The following LRMDA variants were observed in gnomAD, a reference collection of about 807,000 sequenced individuals.
LRMDA encodes the protein leucine-rich melanocyte differentiation-associated protein.
In LRMDA, 18 loss-of-function variants were observed where a neutral mutation model predicts 29.8. The ratio of observed to expected loss-of-function variants is 0.60; its 90% CI spans 0.42 to 0.90. The LOEUF (loss-of-function observed/expected upper bound fraction) is 0.90. LRMDA is among the 40% of genes least tolerant of loss of function. The pLI is 0.00. For synonymous variants in LRMDA, 125 were observed against 109.4 expected (o/e 1.14, Z -0.89); for missense variants, 273 against 273.9 (o/e 1.00, Z 0.02).
At chr10:75,736,478 C>T (rs906327737) in intron 2 of LRMDA, among the ~76,000 whole-genome samples, 1 of 152,168 alleles carries the variant, frequency 6.6e-6, no homozygotes, top group African/African-American at 2.4e-5. Flanking sequence ...GCTATTAATT[C>T]TCATTGCTCG....
At chr10:76,322,643 A>G (rs1840785542) in intron 5 of LRMDA, among the ~76,000 whole-genome samples, 1 of 152,236 alleles carries the variant, frequency 6.6e-6, no homozygotes, top group African/African-American at 2.4e-5. Context: ...TAATTGTAGA[A>G]AAAAGCTGTC....
At chr10:75,636,025 C>T (rs1227749820) in intron 2 of LRMDA, among the ~76,000 whole-genome samples, 1 of 152,184 alleles carries the variant, frequency 6.6e-6, no homozygotes, top group African/African-American at 2.4e-5. Context: ...GATTTTGTAT[C>T]TGAACCAAAT....
intron 2 of LRMDA, among the ~76,000 whole-genome samples, chr10:75,781,159 T>C (rs1843377862): frequency 6.6e-6 from 1 of 152,196 alleles, no homozygotes; most frequent in Non-Finnish European, 1.5e-5. Flanking sequence ...GACCTCCTCA[T>C]TGGCCTTTGT....
At chr10:75,641,876 T>TC (rs1841457760) in intron 2 of LRMDA, among the ~76,000 whole-genome samples, 2 of 152,182 alleles carry the variant, frequency 1.3e-5, no homozygotes, top group Non-Finnish European at 2.9e-5. Context: ...GCAAGACCCC[T>TC]ACCTCTTAAA....
rs535367381 is a variant in LRMDA, at chr10:75,746,063, T to TA, written c.132-289944dup. 5.1e-4 allele frequency among the ~76,000 whole-genome samples: 77 copies of TA among 152,334 alleles called. 1 individual carries two copies. In the East Asian group the frequency reaches 0.012, roughly 23 times the overall value. On this transcript the variant is annotated intron_variant, in intron 2 of 6. Transcript: ENST00000611255. ...TTGGGAGGTTTCTGCACTGTGAAGT[T>TA]ACTGTGTTCAGCTTCTTTTCCTACT...
At chr10:76,556,503 C>T (rs1421329315) in intron 6 of LRMDA, 1 of 152,192 alleles carries the variant, frequency 6.6e-6, no homozygotes. Context: ...AGGCACCTGC[C>T]ACCACGCCCA....
intron 5 of LRMDA, among the ~76,000 whole-genome samples, chr10:76,079,851 T>C (rs1029793749): frequency 2.0e-5 from 3 of 152,164 alleles, no homozygotes; most frequent in African/African-American, 4.8e-5. Context: ...AGACCTGCCT[T>C]CATCTTGCCA....
intron 6 of LRMDA, among the ~76,000 whole-genome samples, chr10:76,400,811 C>T (rs1166979866): frequency 6.6e-6 from 1 of 152,134 alleles, no homozygotes; most frequent in Non-Finnish European, 1.5e-5. Context: ...TATTCATTTT[C>T]TACCTCATAG....
intron 6 of LRMDA, among the ~76,000 whole-genome samples, chr10:76,535,053 G>A (rs1209547383): frequency 6.6e-6 from 1 of 152,158 alleles, no homozygotes; most frequent in African/African-American, 2.4e-5. Context: ...CCAGGCAATA[G>A]CCTTGCATAT....
chr10:76,403,946 G>C (rs973256915), intron 6 of LRMDA, among the ~76,000 whole-genome samples: 2 of 152,018 alleles, frequency 1.3e-5, no homozygotes, highest in Middle Eastern at 3.2e-3. Flanking sequence ...AATGGTGCCC[G>C]CTCTCCACTA....
intron 5 of LRMDA, among the ~76,000 whole-genome samples, chr10:76,195,917 G>A (rs1400912870): frequency 6.6e-6 from 1 of 152,142 alleles, no homozygotes; most frequent in South Asian, 2.1e-4. Flanking sequence ...AAAGACACAT[G>A]GAGACATTTA....
At chr10:75,894,848 A>C (rs1254873205) in intron 2 of LRMDA, among the ~76,000 whole-genome samples, 1 of 152,198 alleles carries the variant, frequency 6.6e-6, no homozygotes, top group Non-Finnish European at 1.5e-5. Flanking sequence ...GATCATCAGT[A>C]AACAACTGAG....
At position 75,541,402 on chromosome 10, in the gene LRMDA, C is replaced by CTT. The variant is rs35660494; in HGVS notation, c.131+102926_131+102927dup. 3.4e-3 allele frequency among the ~76,000 whole-genome samples: 470 copies of CTT among 136,860 alleles called. 5 individuals carry two copies. The highest frequency in any genetic ancestry group is 0.012 in the African/African-American group (442 of 36,634). 89.8% of individuals were successfully genotyped at this position (136,860 alleles called of 152,430 possible). A position where few individuals can be genotyped will look rare whatever the true frequency, so the allele number is the denominator to read the frequency against. On this transcript the variant is annotated intron_variant, in intron 2 of 6. Coordinates refer to ENST00000611255, the MANE Select transcript of LRMDA (RefSeq NM_001305581.2). ...ATACTCCACAAATCTTCCCCACAAA[C>CTT]TTTTTTTTTTTTTTTTTTTAAGCAG...
At chr10:76,200,480 C>T (rs1210335832) in intron 5 of LRMDA, among the ~76,000 whole-genome samples, 6 of 152,060 alleles carry the variant, frequency 3.9e-5, no homozygotes, top group East Asian at 1.9e-4. Flanking sequence ...TGCCATTCAT[C>T]GATCTAGTTG....
At chr10:75,537,449 G>A (rs1839963515) in intron 2 of LRMDA, among the ~76,000 whole-genome samples, 1 of 152,188 alleles carries the variant, frequency 6.6e-6, no homozygotes, top group Non-Finnish European at 1.5e-5. Context: ...ACAGCATTGT[G>A]ATGTACCTAC....
chr10:75,764,299 T>G (rs1186908123), intron 2 of LRMDA, among the ~76,000 whole-genome samples: 3 of 152,162 alleles, frequency 2.0e-5, no homozygotes, highest in African/African-American at 7.2e-5. Context: ...ACTAAATGAC[T>G]AGGGGAAAAT....
intron 5 of LRMDA, among the ~76,000 whole-genome samples, chr10:76,220,227 C>T (rs2132256609): frequency 6.6e-6 from 1 of 152,206 alleles, no homozygotes; most frequent in Middle Eastern, 3.4e-3. Context: ...CAAGAGCAAA[C>T]ACATTCAAAA....
intron 6 of LRMDA, among the ~76,000 whole-genome samples, chr10:76,534,759 G>A (rs11001810): frequency 0.33 from 49,738 of 151,506 alleles, 8,647 homozygotes; most frequent in African/African-American, 0.37. Flanking sequence ...ACCTTGCGGG[G>A]GTATATTGAC....
chr10:76,046,424 CA>C (rs1193584695), intron 3 of LRMDA, among the ~76,000 whole-genome samples: 2 of 152,176 alleles, frequency 1.3e-5, no homozygotes, highest in African/African-American at 4.8e-5. Flanking sequence ...CTAATTCCCT[CA>C]CTAACAGAGA....
Sources: allele counts gnomAD v4.1 joint callset (sites outside exome capture counted in the v4.1 genomes callset), GRCh38; gene constraint gnomAD v4.1.1; transcripts MANE v1.5; gene names NCBI Gene and HGNC (gene_info 2026-07-23, HGNC 2026-07-21).